Variants in C4orf50 observed in about 807,000 individuals in gnomAD.
C4orf50 encodes uncharacterized protein C4orf50.
Under a neutral mutation model 77.2 loss-of-function variants are expected in C4orf50, and 80 were observed. That is an observed-to-expected ratio of 1.04 (90% CI 0.87 to 1.25). The LOEUF (loss-of-function observed/expected upper bound fraction) is 1.25, where lower values mean the gene tolerates loss of function less well. Among genes scored for constraint, C4orf50 ranks in the 50% most tolerant of loss-of-function variants. The probability of loss-of-function intolerance (pLI) is 0.00; values close to 1 mark genes in which losing one functional copy is unlikely to be tolerated. For synonymous variants in C4orf50, 532 were observed against 465.3 expected, an observed-to-expected ratio of 1.14 and a Z score of -1.84; for missense variants, 1,257 against 1,152.9, an observed-to-expected ratio of 1.09 and a Z score of -1.31.
chr4:5,949,083 G>C (rs1357129872), intron 7 of C4orf50, among the ~76,000 whole-genome samples: 3 of 151,932 alleles, frequency 2.0e-5, no homozygotes, highest in Non-Finnish European at 4.4e-5. Context: ...TAAAATCAAA[G>C]CTCTGGAGCC....
chr4:5,965,544 C>T (rs146506466), intron 32 of C4orf50, among the ~76,000 whole-genome samples: 25 of 152,352 alleles, frequency 1.6e-4, no homozygotes, highest in African/African-American at 5.8e-4. Flanking sequence ...CGGTCTAGCG[C>T]GTTTCCTTCT....
intron 7 of C4orf50, among the ~76,000 whole-genome samples, chr4:5,927,672 G>C (rs1717578632): frequency 6.6e-6 from 1 of 151,954 alleles, no homozygotes; most frequent in Non-Finnish European, 1.5e-5. Flanking sequence ...AGCCATGTTA[G>C]ATGTGCCTTC....
At position 5,985,474 on chromosome 4, in the gene C4orf50, CTAATT is replaced by C. The variant is rs1487659364; in HGVS notation, c.3699+2868_3699+2872del. ...ATTAATTGGGACATGGTAAAGAAAA[CTAATT>C]TAAAGTAAATTTAAATAGTTACTAG... On this transcript the variant is annotated intron_variant, in intron 28 of 33. Transcript: ENST00000531445. Among the ~76,000 whole-genome samples the C allele has an allele frequency of 3.3e-5, 5 of 151,052 alleles. No homozygotes were observed. In the East Asian group the frequency reaches 9.7e-4, roughly 29 times the overall value.
intron 7 of C4orf50, among the ~76,000 whole-genome samples, chr4:5,917,406 C>CTTTTTTT (rs34928524): frequency 6.9e-5 from 6 of 86,416 alleles, no homozygotes; most frequent in Non-Finnish European, 1.2e-4. Context: ...TCCTGTATTT[C>CTTTTTTT]TTTTTTTTTT....
chr4:5,999,274 T>C (rs1721727121), intron 25 of C4orf50, among the ~76,000 whole-genome samples: 1 of 152,226 alleles, frequency 6.6e-6, no homozygotes, highest in Admixed American at 6.5e-5. Context: ...TTTCAGATAC[T>C]GCTGCTTCCA....
In C4orf50 at chr4:5,908,125, A is replaced by AC. The variant is rs1274659323; in HGVS notation, c.*2475-9938dup. Among the ~76,000 whole-genome samples, 1 of 152,200 alleles carries AC rather than the reference A, an allele frequency of 6.6e-6. No homozygotes were observed. Among genetic ancestry groups the AC allele is most frequent in the Non-Finnish European group, 1.5e-5 (1 of 68,038 alleles). On this transcript the variant is annotated intron_variant, in intron 7 of 7. Coordinates refer to the C4orf50 transcript ENST00000324058. This position sits in a 1 kb window ranked among gnomAD's most constrained non-coding sequence, Gnocchi z 5.6. ...TTTAAGTACCTACTATATGCCAGGC[A>AC]CTGTGTTCAAGGCTATGGAGAATGT...
chr4:5,993,862 A>T (rs1721429513), intron 26 of C4orf50, among the ~76,000 whole-genome samples: 1 of 151,606 alleles, frequency 6.6e-6, no homozygotes, highest in South Asian at 2.1e-4. Flanking sequence ...ATAAATAAAA[A>T]AAAAAAAGAG....
At chr4:5,898,045 G>A (rs1716200860) in exon 8 of C4orf50, 1 of 152,236 alleles carries the variant, frequency 6.6e-6, no homozygotes, top group Non-Finnish European at 1.5e-5. Flanking sequence ...ACCGCAAGGT[G>A]TACAGTTATT....
intron 32 of C4orf50, among the ~76,000 whole-genome samples, chr4:5,965,385 C>A (rs1348505963): frequency 6.6e-6 from 1 of 152,238 alleles, no homozygotes; most frequent in Non-Finnish European, 1.5e-5. Context: ...TGCCTGCCTG[C>A]CTCACCTTCC....
chr4:5,969,064 G>A (rs142632673), intron 31 of C4orf50, among the ~76,000 whole-genome samples: 10 of 152,126 alleles, frequency 6.6e-5, no homozygotes, highest in East Asian at 1.9e-4. Flanking sequence ...CTCCATCTGC[G>A]GAACAGAAAT....
At chr4:6,003,858 T>C (rs1260782733) in intron 25 of C4orf50, among the ~76,000 whole-genome samples, 1 of 25,288 alleles carries the variant, frequency 4.0e-5, no homozygotes, top group Non-Finnish European at 8.0e-5. Flanking sequence ...ATGGTGATGA[T>C]GGTGATGGTG....
At chr4:5,962,884 C>T (rs1171239334) in intron 33 of C4orf50, among the ~76,000 whole-genome samples, 1 of 152,222 alleles carries the variant, frequency 6.6e-6, no homozygotes, top group Non-Finnish European at 1.5e-5. Flanking sequence ...CCTCCTCATA[C>T]TTTATGCTCC....
exon 28 of C4orf50, chr4:5,990,777 G>A (rs1034909051): frequency 7.5e-6 from 3 of 399,058 alleles, no homozygotes; most frequent in African/African-American, 6.2e-5. Flanking sequence ...GGCAGCCACA[G>A]ACCAGGAGAA....
intron 29 of C4orf50, among the ~76,000 whole-genome samples, chr4:5,978,711 T>C (rs1203420008): frequency 1.3e-5 from 2 of 152,224 alleles, no homozygotes; most frequent in South Asian, 2.1e-4. Flanking sequence ...ATCAACAATA[T>C]TGCCACCTTT....
At chr4:5,930,926 C>T (rs143789249) in intron 7 of C4orf50, among the ~76,000 whole-genome samples, 67 of 152,116 alleles carry the variant, frequency 4.4e-4, no homozygotes, top group Non-Finnish European at 8.4e-4. Flanking sequence ...AAAGGGGTAA[C>T]GGGATAAAGA....
chr4:5,948,441 G>A (rs1339556846), intron 7 of C4orf50, among the ~76,000 whole-genome samples: 1 of 152,114 alleles, frequency 6.6e-6, no homozygotes, highest in Non-Finnish European at 1.5e-5. Flanking sequence ...GAGGTGGGTG[G>A]GTCACCTGAG....
chr4:5,943,449 G>A (rs7657794), intron 7 of C4orf50, among the ~76,000 whole-genome samples: 39,908 of 152,132 alleles, frequency 0.26, 5,841 homozygotes, highest in Admixed American at 0.39. Flanking sequence ...CAGCCTGAAG[G>A]TCCGAATTCC....
In C4orf50 at chr4:6,007,506, A is replaced by G. The variant is rs1722293355; in HGVS notation, c.963+490T>C. 6.6e-6 allele frequency among the ~76,000 whole-genome samples: 1 copy of G among 152,198 alleles called. No individual in the cohort carries two copies. The highest frequency in any genetic ancestry group is 1.5e-5 in the Non-Finnish European group (1 of 68,038). ...GCTGGTGCCTTGATCTTGGACCTCCAGCCTCCAAAAGTGTGAAAAATAAGT... is the reference window on the plus strand; with the variant it reads ...GCTGGTGCCTTGATCTTGGACCTCCGGCCTCCAAAAGTGTGAAAAATAAGT... On this transcript the variant is annotated intron_variant, in intron 25 of 33. Coordinates refer to ENST00000531445, the Ensembl canonical transcript of C4orf50. This position sits in a 1 kb window ranked among gnomAD's most constrained non-coding sequence, Gnocchi z 4.1.
intron 23 of C4orf50, among the ~76,000 whole-genome samples, chr4:6,013,574 G>A (rs1351325785): frequency 1.3e-5 from 2 of 152,142 alleles, no homozygotes; most frequent in East Asian, 1.9e-4. Flanking sequence ...CTGCAGATAG[G>A]ATTAAGTCAA....
Sources: gnomAD v4.1 joint callset for allele counts (sites outside exome capture counted in the v4.1 genomes callset) on GRCh38, gnomAD v4.1.1 for gene constraint, Gnocchi (gnomAD v3.1) non-coding constraint, MANE v1.5 for transcripts, NCBI Gene and HGNC (gene_info 2026-07-23, HGNC 2026-07-21) for gene names.